NEGR1: variants seen among roughly 807,000 people sequenced by gnomAD.
NEGR1 encodes IgLON family member 4.
In NEGR1, 10 loss-of-function variants were observed where a neutral mutation model predicts 40.9. The ratio of observed to expected loss-of-function variants is 0.24; its 90% confidence interval spans 0.15 to 0.42. The LOEUF (loss-of-function observed/expected upper bound fraction) is 0.42, where lower values mean the gene tolerates loss of function less well. Among genes scored for constraint, NEGR1 ranks in the 10% least tolerant of loss-of-function variants. The pLI is 1.00. For missense variants in NEGR1, 352 were observed against 438.9 expected, an observed-to-expected ratio of 0.80 and a Z score of 1.77; for synonymous variants, 185 against 166.8, an observed-to-expected ratio of 1.11 and a Z score of -0.84.
At chr1:71,461,591 ACT>A (rs988833790) in intron 6 of NEGR1, 2 of 152,216 alleles carry the variant, frequency 1.3e-5, no homozygotes. Context: ...AGAGGAACAC[ACT>A]GTTTGCTTAT....
chr1:71,922,301 C>A (rs1217603450), intron 2 of NEGR1, among the ~76,000 whole-genome samples: 1 of 152,108 alleles, frequency 6.6e-6, no homozygotes, highest in Non-Finnish European at 1.5e-5. Flanking sequence ...CAGTATCTCC[C>A]ATTGAGTGAA....
At chr1:71,800,182 T>G (rs1657502368) in intron 2 of NEGR1, among the ~76,000 whole-genome samples, 1 of 152,222 alleles carries the variant, frequency 6.6e-6, no homozygotes, top group African/African-American at 2.4e-5. Flanking sequence ...TTGCCCACTT[T>G]TTGATGGGAT....
intron 5 of NEGR1, among the ~76,000 whole-genome samples, chr1:71,595,733 G>A (rs571317540): frequency 2.5e-4 from 38 of 152,092 alleles, no homozygotes; most frequent in African/African-American, 8.9e-4. Flanking sequence ...ACAACAGAAG[G>A]GTATTTTGGT....
At chr1:72,018,206 A>G (rs149594319) in intron 1 of NEGR1, among the ~76,000 whole-genome samples, 82 of 152,332 alleles carry the variant, frequency 5.4e-4, no homozygotes, top group African/African-American at 1.9e-3. Context: ...AAAATTATGA[A>G]TGAATATTTA....
chr1:71,976,031 A>G (rs1396599568), intron 1 of NEGR1, among the ~76,000 whole-genome samples: 1 of 152,202 alleles, frequency 6.6e-6, no homozygotes, highest in African/African-American at 2.4e-5. Context: ...AATCCGCGAT[A>G]AACATGATTT....
intron 2 of NEGR1, among the ~76,000 whole-genome samples, chr1:71,903,148 ATT>A (rs1661185199): frequency 1.3e-5 from 2 of 152,090 alleles, no homozygotes; most frequent in South Asian, 4.1e-4. Context: ...AATCACAAAA[ATT>A]ACCTAAGACT....
intron 1 of NEGR1, among the ~76,000 whole-genome samples, chr1:72,035,620 C>T (rs1346189624): frequency 6.6e-6 from 1 of 152,028 alleles, no homozygotes; most frequent in Non-Finnish European, 1.5e-5. Flanking sequence ...AGTGGAGAGG[C>T]AGGGATCTCA....
intron 1 of NEGR1, among the ~76,000 whole-genome samples, chr1:72,066,949 G>A (rs1002308400): frequency 6.6e-6 from 1 of 152,070 alleles, no homozygotes; most frequent in Non-Finnish European, 1.5e-5. Flanking sequence ...GAAAGTGTAT[G>A]TTTTAGGTTC....
At chr1:72,011,998 CGAAGACAA>C (rs1646661370) in intron 1 of NEGR1, among the ~76,000 whole-genome samples, 1 of 151,882 alleles carries the variant, frequency 6.6e-6, no homozygotes, top group Non-Finnish European at 1.5e-5. Context: ...GGAGTTACAC[CGAAGACAA>C]AGGGAAGTTA....
chr1:72,190,674 C>A (rs1652788375), intron 1 of NEGR1, among the ~76,000 whole-genome samples: 1 of 151,256 alleles, frequency 6.6e-6, no homozygotes, highest in Non-Finnish European at 1.5e-5. Context: ...ATGACATTAA[C>A]ATTTTGATTA....
chr1:71,620,378 CTT>C (rs1346632192), intron 4 of NEGR1, among the ~76,000 whole-genome samples: 1 of 151,826 alleles, frequency 6.6e-6, no homozygotes. Context: ...AATGGACAGT[CTT>C]TGGAAAAATT....
chr1:72,082,648 A>C (rs992683978), intron 1 of NEGR1, among the ~76,000 whole-genome samples: 2 of 151,966 alleles, frequency 1.3e-5, no homozygotes, highest in Admixed American at 1.3e-4. Flanking sequence ...GCTACCATAC[A>C]TGACAAAATT....
intron 6 of NEGR1, among the ~76,000 whole-genome samples, chr1:71,459,573 C>CT (rs113813651): frequency 1.6e-4 from 24 of 151,992 alleles, no homozygotes; most frequent in Admixed American, 3.3e-4. Context: ...CCCATTTAAG[C>CT]TTTTTTTTAC....
rs1646492006 is a variant in NEGR1, at chr1:71,995,040, TGAAA to T, written c.177-59733_177-59730del. 2.0e-5 allele frequency among the ~76,000 whole-genome samples: 3 copies of T among 147,946 alleles called. No homozygotes were observed. In the East Asian group the frequency reaches 6.0e-4, roughly 30 times the overall value. ...AAGCTCTTCTACTGACGGAATCTCC[TGAAA>T]GAGTTATTTTCTGAAAGAACACTAT... On this transcript the variant is annotated intron_variant, in intron 1 of 6. Coordinates refer to ENST00000357731, the MANE Select transcript of NEGR1 (RefSeq NM_173808.3).
chr1:71,952,405 T>C (rs1453904656), intron 1 of NEGR1, among the ~76,000 whole-genome samples: 1 of 151,938 alleles, frequency 6.6e-6, no homozygotes, highest in Non-Finnish European at 1.5e-5. Context: ...CAAAGCTTAA[T>C]CCAGAGTATG....
At position 72,049,378 on chromosome 1, in the gene NEGR1, T is replaced by C. The variant is rs184311205; in HGVS notation, c.177-114067A>G. 7.9e-4 allele frequency among the ~76,000 whole-genome samples: 119 copies of C among 151,436 alleles called. 1 individual carries two copies. Among genetic ancestry groups the C allele is most frequent in the Admixed American group, 3.0e-3 (46 of 15,152 alleles). On this transcript the variant is annotated intron_variant, in intron 1 of 6. Transcript: ENST00000357731. ...ATAAGCATAAAACTGAAGATAAAAA[T>C]GAAGCACCTTAGAAAGAATCTGAGG...
rs181501694 is a variant in NEGR1 at position 72,255,136 on chromosome 1, A to C, written c.176+27183T>G. 4.6e-5 allele frequency among the ~76,000 whole-genome samples: 7 copies of C among 152,096 alleles called. No homozygotes were observed. In the East Asian group the frequency reaches 1.3e-3, roughly 29 times the overall value. On this transcript the variant is annotated intron_variant, in intron 1 of 6. Transcript: ENST00000357731. ...TGCCCTGAAATGAAGTTGATGTATT[A>C]TGAAAAATGAACCTGTGAACAGGGA... is the stretch of plus-strand genomic sequence containing the variant.
At chr1:71,841,748 C>T (rs145233865) in intron 2 of NEGR1, among the ~76,000 whole-genome samples, 57 of 152,234 alleles carry the variant, frequency 3.7e-4, no homozygotes, top group African/African-American at 1.3e-3. Flanking sequence ...CGTAGAAATA[C>T]AATTCTTGCT....
intron 2 of NEGR1, among the ~76,000 whole-genome samples, chr1:71,907,392 GA>G (rs1370834097): frequency 6.6e-6 from 1 of 152,040 alleles, no homozygotes; most frequent in Non-Finnish European, 1.5e-5. Context: ...GACATAATTT[GA>G]AAAAGACAAA....
Sources: gnomAD v4.1 joint callset for allele counts (sites outside exome capture counted in the v4.1 genomes callset) on GRCh38, gnomAD v4.1.1 for gene constraint, MANE v1.5 for transcripts, NCBI Gene and HGNC (gene_info 2026-07-23, HGNC 2026-07-21) for gene names.